MYO16: variants seen among roughly 807,000 people sequenced by gnomAD.
The protein encoded by MYO16 is myosin XVI.
Under a neutral mutation model 205.3 loss-of-function variants are expected in MYO16, and 94 were observed. That is an observed-to-expected ratio of 0.46 (90% CI 0.39 to 0.54). The LOEUF is 0.54. Among genes scored for constraint, MYO16 ranks in the 20% least tolerant of loss-of-function variants. MYO16 has a pLI of 0.00. For synonymous variants in MYO16, 988 were observed against 954.0 expected (o/e 1.04, Z -0.66); for missense variants, 2,315 against 2,387.5 (o/e 0.97, Z 0.63).
At chr13:108,637,331 T>C (rs1486008369) in intron 1 of MYO16, among the ~76,000 whole-genome samples, 1 of 152,212 alleles carries the variant, frequency 6.6e-6, no homozygotes, top group Non-Finnish European at 1.5e-5. Flanking sequence ...TGGGTACCCT[T>C]CCTTTTAGGT....
At chr13:108,720,153 G>C (rs577489298) in intron 3 of MYO16, among the ~76,000 whole-genome samples, 14 of 152,160 alleles carry the variant, frequency 9.2e-5, no homozygotes, top group Admixed American at 7.2e-4. Flanking sequence ...ATTTGCCAGA[G>C]AGAAGATCAT....
intron 32 of MYO16, among the ~76,000 whole-genome samples, chr13:109,161,928 A>G (rs1456031578): frequency 6.6e-6 from 1 of 152,026 alleles, no homozygotes; most frequent in African/African-American, 2.4e-5. Context: ...ACTCTCCTAA[A>G]AAATACAAAA....
intron 9 of MYO16, among the ~76,000 whole-genome samples, chr13:108,830,447 C>T (rs898433935): frequency 5.3e-5 from 8 of 151,628 alleles, no homozygotes; most frequent in African/African-American, 1.7e-4. Context: ...AGGATGAGTT[C>T]ATGTCCTTTG....
the MYO16 span, among the ~76,000 whole-genome samples, chr13:108,516,353 A>C: frequency 1.3e-5 from 2 of 151,864 alleles, no homozygotes; most frequent in African/African-American, 2.4e-5. Flanking sequence ...GTGCGCGCAC[A>C]CACTGGCCTG....
chr13:109,186,976 G>A (rs977867490), intron 34 of MYO16, among the ~76,000 whole-genome samples: 8 of 152,170 alleles, frequency 5.3e-5, no homozygotes, highest in African/African-American at 1.7e-4. Context: ...TTAAACCAAT[G>A]TATGTACTTC....
rs550321350 is a variant in MYO16 at position 109,039,420 on chromosome 13, A to T, written c.2797-7496A>T. ...TATTCTTTTCGAGTACCCATGGGAC[A>T]TGTGTCCAGATGGACTATCTGCTCG... On this transcript the variant is annotated intron_variant, in intron 23 of 34. Coordinates refer to ENST00000457511, the MANE Select transcript of MYO16 (RefSeq NM_001198950.3). Among the ~76,000 whole-genome samples the T allele has an allele frequency of 5.3e-5, 8 of 152,344 alleles. No homozygotes were observed. In the East Asian group the frequency reaches 7.7e-4, roughly 15 times the overall value.
At chr13:109,195,288 A>T (rs1170439691) in intron 34 of MYO16, among the ~76,000 whole-genome samples, 1 of 152,144 alleles carries the variant, frequency 6.6e-6, no homozygotes, top group East Asian at 1.9e-4. Flanking sequence ...ACCTTAAGCA[A>T]CAAAGAAACA....
At chr13:108,733,901 G>A (rs899711644) in intron 4 of MYO16, among the ~76,000 whole-genome samples, 4 of 152,136 alleles carry the variant, frequency 2.6e-5, no homozygotes, top group East Asian at 1.9e-4. Flanking sequence ...CATGGGAGGC[G>A]GAGCCTGCAG....
chr13:108,656,118 G>T (rs895635865), intron 1 of MYO16, among the ~76,000 whole-genome samples: 1 of 152,036 alleles, frequency 6.6e-6, no homozygotes, highest in African/African-American at 2.4e-5. Flanking sequence ...GAATGATATG[G>T]TTTGGCTGTG....
chr13:108,751,259 T>G (rs1041130127), intron 4 of MYO16, among the ~76,000 whole-genome samples: 10 of 152,056 alleles, frequency 6.6e-5, no homozygotes, highest in African/African-American at 1.9e-4. Flanking sequence ...TGCATGAAAT[T>G]TACAAGAAAA....
At chr13:109,187,739 T>C (rs1385809611) in intron 34 of MYO16, among the ~76,000 whole-genome samples, 4 of 152,248 alleles carry the variant, frequency 2.6e-5, no homozygotes, top group Non-Finnish European at 5.9e-5. Flanking sequence ...TTCAGTTCTC[T>C]TAAATGTACT....
intron 16 of MYO16, among the ~76,000 whole-genome samples, chr13:108,913,187 C>T (rs1281340683): frequency 6.6e-6 from 1 of 152,102 alleles, no homozygotes; most frequent in Non-Finnish European, 1.5e-5. Flanking sequence ...TGAAATGTAT[C>T]ATAAGTATCT....
intron 7 of MYO16, among the ~76,000 whole-genome samples, chr13:108,812,592 G>T (rs924973345): frequency 2.6e-5 from 4 of 152,250 alleles, no homozygotes; most frequent in East Asian, 1.9e-4. Context: ...ATTACTAAAA[G>T]AAATCATGCA....
At chr13:109,192,796 G>A (rs953910775) in intron 34 of MYO16, among the ~76,000 whole-genome samples, 1 of 152,162 alleles carries the variant, frequency 6.6e-6, no homozygotes, top group Non-Finnish European at 1.5e-5. Context: ...CTCAATATGA[G>A]CAAGAAATAT....
At chr13:108,933,507 GTGTGTGTGTGTA>G (rs1036762614) in intron 16 of MYO16, among the ~76,000 whole-genome samples, 19 of 152,204 alleles carry the variant, frequency 1.2e-4, no homozygotes, top group Admixed American at 9.2e-4. Flanking sequence ...ATGTGTGTGT[GTGTGTGTGTGTA>G]TGTGTGTGTG....
intron 20 of MYO16, among the ~76,000 whole-genome samples, chr13:108,972,041 C>CA (rs1227102660): frequency 6.7e-6 from 1 of 148,790 alleles, no homozygotes; most frequent in Non-Finnish European, 1.5e-5. Flanking sequence ...CCCCACCCCC[C>CA]AAAAAAATAC....
At chr13:109,046,892 T>C in intron 23 of MYO16, 24 bp from the exon 24 acceptor site, 1 of 1,561,016 alleles carries the variant, frequency 6.4e-7, no homozygotes, top group Middle Eastern at 1.7e-4. Flanking sequence ...TCATTAGTAA[T>C]TATGCTGCTT....
chr13:108,518,039 G>A, the MYO16 span, among the ~76,000 whole-genome samples: 2 of 152,248 alleles, frequency 1.3e-5, no homozygotes, highest in African/African-American at 2.4e-5. Context: ...GGTATTATAA[G>A]CCAGCATATG....
At chr13:108,769,008 G>T in intron 4 of MYO16, among the ~76,000 whole-genome samples, 1 of 152,090 alleles carries the variant, frequency 6.6e-6, no homozygotes. Context: ...AAATATGTTA[G>T]TTAATATTAT....
Sources: gnomAD v4.1 joint callset for allele counts (sites outside exome capture counted in the v4.1 genomes callset) on GRCh38, gnomAD v4.1.1 for gene constraint, MANE v1.5 for transcripts, NCBI Gene and HGNC (gene_info 2026-07-23, HGNC 2026-07-21) for gene names.